RFC3: variants seen among roughly 807,000 people sequenced by gnomAD.
RFC3 encodes the protein A1 38 kDa subunit.
RFC3 carries 41 observed loss-of-function variants against 45.1 expected under a neutral mutation model. The observed-to-expected ratio is 0.91, with a 90% CI of 0.71 to 1.18. The LOEUF is 1.18. RFC3 is among the 50% of genes most tolerant of loss of function. RFC3 has a pLI of 0.00. For missense variants in RFC3, 423 were observed against 428.1 expected, an observed-to-expected ratio of 0.99 and a Z score of 0.10; for synonymous variants, 149 against 144.0, an observed-to-expected ratio of 1.03 and a Z score of -0.25.
At chr13:33,939,114 A>G (rs1222987030) in intron 8 of RFC3, among the ~76,000 whole-genome samples, 1 of 152,144 alleles carries the variant, frequency 6.6e-6, no homozygotes, top group East Asian at 1.9e-4. Flanking sequence ...TAGGGATTTT[A>G]CCATTATAAT....
At chr13:33,820,902 C>T (rs1261974044) in intron 1 of RFC3, among the ~76,000 whole-genome samples, 1 of 90,632 alleles carries the variant, frequency 1.1e-5, no homozygotes, top group Non-Finnish European at 2.4e-5. Flanking sequence ...AACTTTTCAG[C>T]ATATATATAT....
chr13:33,906,307 C>T (rs370454076), intron 8 of RFC3, among the ~76,000 whole-genome samples: 14 of 151,680 alleles, frequency 9.2e-5, no homozygotes, highest in Middle Eastern at 3.4e-3. Context: ...TTTAATAAAC[C>T]GATTTATAAG....
chr13:33,953,632 C>T (rs183985587), intron 8 of RFC3, among the ~76,000 whole-genome samples: 3 of 152,228 alleles, frequency 2.0e-5, no homozygotes, highest in Non-Finnish European at 1.5e-5. Context: ...TTCATGATGA[C>T]ATAATTCCCA....
In RFC3 at chr13:33,834,298, GTATATATATATATATATATA is replaced by G. The variant is rs58858615; in HGVS notation, c.810-836_810-817del. On this transcript the variant is annotated intron_variant, in intron 7 of 8. Coordinates refer to ENST00000380071, the MANE Select transcript of RFC3 (RefSeq NM_002915.4). ...GAAGTATGGAACATCTGTACTGTGT[GTATATATATATATATATATA>G]TATATATATATATCTGTACTGTAAA... 1.2e-3 allele frequency among the ~76,000 whole-genome samples: 129 copies of G among 109,206 alleles called. 1 individual carries two copies. The highest frequency in any genetic ancestry group is 5.2e-3 in the African/African-American group (125 of 24,208). 71.6% of individuals were successfully genotyped at this position (109,206 alleles called of 152,430 possible). A position where few individuals can be genotyped will look rare whatever the true frequency, so the allele number is the denominator to read the frequency against.
intron 8 of RFC3, among the ~76,000 whole-genome samples, chr13:33,924,355 G>T (rs2082788538): frequency 6.6e-6 from 1 of 151,912 alleles, no homozygotes; most frequent in Non-Finnish European, 1.5e-5. Flanking sequence ...TCTTGATCAG[G>T]GTTGGCAAAC....
chr13:33,852,159 A>T (rs939100762), intron 8 of RFC3, among the ~76,000 whole-genome samples: 1 of 152,210 alleles, frequency 6.6e-6, no homozygotes, highest in African/African-American at 2.4e-5. Context: ...TCATCCAGGA[A>T]TAATTGTTTC....
At chr13:33,964,078 A>G (rs1556068) in intron 8 of RFC3, among the ~76,000 whole-genome samples, 142,696 of 152,212 alleles carry the variant, frequency 0.94, 67,547 homozygotes, top group East Asian at 1. Flanking sequence ...CTCACTGTAC[A>G]CAAATTAGCC....
At position 33,890,158 on chromosome 13, in the gene RFC3, T is replaced by C. The variant is rs371543501; in HGVS notation, c.879+54941T>C. Among the ~76,000 whole-genome samples, 25 of 152,254 alleles carry C rather than the reference T, an allele frequency of 1.6e-4. 1 individual carries two copies. Among genetic ancestry groups the C allele is most frequent in the African/African-American group, 6.0e-4 (25 of 41,554 alleles). On this transcript the variant is annotated intron_variant, in intron 8 of 8. Transcript: ENST00000434425. ...GTGTTGAGGTTCAGTATGTAAACTGTGTGGGGTGGGTAGGGTCCCAGCTTT... is the reference window on the plus strand; with the variant it reads ...GTGTTGAGGTTCAGTATGTAAACTGCGTGGGGTGGGTAGGGTCCCAGCTTT...
intron 8 of RFC3, among the ~76,000 whole-genome samples, chr13:33,964,643 T>C (rs1474648155): frequency 6.6e-6 from 1 of 152,228 alleles, no homozygotes; most frequent in African/African-American, 2.4e-5. Flanking sequence ...TTTACATTTT[T>C]ACCACAAAGT....
intron 8 of RFC3, among the ~76,000 whole-genome samples, chr13:33,859,759 C>G (rs1745725724): frequency 6.6e-6 from 1 of 152,118 alleles, no homozygotes; most frequent in Non-Finnish European, 1.5e-5. Context: ...ATAAATGACT[C>G]ACTTCTGTCT....
At chr13:33,894,000 A>G (rs2082580513) in intron 8 of RFC3, among the ~76,000 whole-genome samples, 1 of 152,188 alleles carries the variant, frequency 6.6e-6, no homozygotes, top group African/African-American at 2.4e-5. Context: ...CCAACTTTCC[A>G]AAGGGCCAAG....
At chr13:33,863,736 G>T (rs2082356204) in intron 8 of RFC3, among the ~76,000 whole-genome samples, 1 of 152,148 alleles carries the variant, frequency 6.6e-6, no homozygotes, top group South Asian at 2.1e-4. Flanking sequence ...TTCCAGATTT[G>T]TTACTGCCCT....
chr13:33,949,738 GA>G (rs1324383823), intron 8 of RFC3, among the ~76,000 whole-genome samples: 5 of 152,228 alleles, frequency 3.3e-5, no homozygotes, highest in Admixed American at 3.3e-4. Context: ...ATTAACATTT[GA>G]ATAGGTAGAC....
chr13:33,910,757 G>A (rs529450344), intron 8 of RFC3, among the ~76,000 whole-genome samples: 1 of 152,064 alleles, frequency 6.6e-6, no homozygotes, highest in African/African-American at 2.4e-5. Context: ...AAGAAAAAAG[G>A]TATAATTGAC....
intron 8 of RFC3, among the ~76,000 whole-genome samples, chr13:33,962,300 G>A (rs1566044123): frequency 6.6e-6 from 1 of 152,156 alleles, no homozygotes; most frequent in Non-Finnish European, 1.5e-5. Context: ...CCATTAACCT[G>A]TCGGTGCCTC....
At position 33,830,000 on chromosome 13, in the gene RFC3, G is replaced by A. The variant is rs753351471; in HGVS notation, c.556G>A (p.Ala186Thr). The change falls in exon 5 of 9, where the codon GCT (alanine) becomes ACT (threonine). Residue 186 changes from alanine to threonine, a missense_variant. Physicochemically the swap from Ala to Thr is moderately conservative, Grantham distance 58. Coordinates refer to ENST00000380071, the MANE Select transcript of RFC3 (RefSeq NM_002915.4). ...RSRCLAVRVP[A>T]PSIEDICHVL... Reference sequence around the variant, plus strand: ...TAGGTGCTTGGCGGTTCGTGTGCCTGCTCCCAGCATTGAAGATGTAGGTCA... The same window carrying A: ...TAGGTGCTTGGCGGTTCGTGTGCCTACTCCCAGCATTGAAGATGTAGGTCA... 3.7e-6 allele frequency: 6 copies of A among 1,613,800 alleles called. No individual in the cohort carries two copies. The highest frequency in any genetic ancestry group is 3.3e-5 in the South Asian group (3 of 91,028).
At chr13:33,949,803 A>C (rs549320969) in intron 8 of RFC3, among the ~76,000 whole-genome samples, 37 of 152,296 alleles carry the variant, frequency 2.4e-4, no homozygotes, top group African/African-American at 8.2e-4. Context: ...CAATAAATTG[A>C]AGACTTGAAT....
chr13:33,924,880 T>C (rs1310697644), intron 8 of RFC3, among the ~76,000 whole-genome samples: 2 of 150,608 alleles, frequency 1.3e-5, no homozygotes, highest in East Asian at 3.9e-4. Flanking sequence ...TAAAATTTGC[T>C]AAGAAATTAG....
intron 8 of RFC3, among the ~76,000 whole-genome samples, chr13:33,908,601 A>G (rs919107786): frequency 1.1e-4 from 14 of 123,118 alleles, no homozygotes; most frequent in Non-Finnish European, 1.9e-4. Flanking sequence ...AAGAACACAC[A>G]GGAGATACAC....
Sources: gnomAD v4.1 joint callset for allele counts (sites outside exome capture counted in the v4.1 genomes callset) on GRCh38, gnomAD v4.1.1 for gene constraint, MANE v1.5 for transcripts, NCBI Gene and HGNC (gene_info 2026-07-23, HGNC 2026-07-21) for gene names.